Variants in TTBK2 observed in about 807,000 individuals in gnomAD.
TTBK2 encodes the protein tau tubulin kinase 2.
A neutral mutation model predicts 110.8 loss-of-function variants in TTBK2; 28 were observed. That is an observed-to-expected ratio of 0.25 (90% CI 0.19 to 0.35). The LOEUF is 0.35. TTBK2 is among the 10% of genes least tolerant of loss of function. The pLI is 1.00. For missense variants in TTBK2, 1,369 were observed against 1,500.3 expected, an observed-to-expected ratio of 0.91 and a Z score of 1.45; for synonymous variants, 532 against 527.3, an observed-to-expected ratio of 1.01 and a Z score of -0.12.
intron 13 of TTBK2, among the ~76,000 whole-genome samples, chr15:42,756,214 A>C (rs1046908898): frequency 1.3e-5 from 2 of 151,442 alleles, no homozygotes; most frequent in African/African-American, 2.4e-5. Flanking sequence ...GAAAAACAAA[A>C]ACAAAAAAAA....
At chr15:42,784,838 C>T (rs1006839148) in intron 10 of TTBK2, among the ~76,000 whole-genome samples, 2 of 152,142 alleles carry the variant, frequency 1.3e-5, no homozygotes, top group African/African-American at 4.8e-5. Context: ...CTGGCAGGCT[C>T]TGACTGGTGA....
intron 4 of TTBK2, among the ~76,000 whole-genome samples, chr15:42,831,581 C>T (rs1892762734): frequency 6.6e-6 from 1 of 152,134 alleles, no homozygotes; most frequent in Non-Finnish European, 1.5e-5. Context: ...GATAAGGAAA[C>T]TGAGGTTCAA....
chr15:42,856,517 A>C (rs1893948436), intron 3 of TTBK2, among the ~76,000 whole-genome samples: 1 of 152,180 alleles, frequency 6.6e-6, no homozygotes, highest in Non-Finnish European at 1.5e-5. Flanking sequence ...TTTTTGAGAC[A>C]ATGGGAGAAA....
intron 10 of TTBK2, among the ~76,000 whole-genome samples, chr15:42,791,240 G>A (rs545790018): frequency 2.0e-5 from 3 of 151,698 alleles, no homozygotes; most frequent in South Asian, 2.1e-4. Context: ...GGCTGGTCTC[G>A]AACTCCTGAC....
chr15:42,869,245 G>A (rs968627534), intron 3 of TTBK2, among the ~76,000 whole-genome samples: 4 of 151,764 alleles, frequency 2.6e-5, no homozygotes, highest in East Asian at 3.9e-4. Flanking sequence ...ACGCCACCAC[G>A]CTTGGCTAAA....
At chr15:42,881,265 A>G (rs1263194980) in intron 1 of TTBK2, among the ~76,000 whole-genome samples, 1 of 142,298 alleles carries the variant, frequency 7.0e-6, no homozygotes, top group Non-Finnish European at 1.5e-5. Context: ...CCTGGATGAC[A>G]GAGCAAGCTT....
At chr15:42,877,447 G>C (rs945354867) in intron 2 of TTBK2, among the ~76,000 whole-genome samples, 1 of 151,912 alleles carries the variant, frequency 6.6e-6, no homozygotes. Flanking sequence ...CCATGGGAAA[G>C]TCTACAGACA....
In TTBK2 at chr15:42,752,168, C is replaced by A; in HGVS notation, c.3078G>T (p.Leu1026=). 6.2e-7 allele frequency: 1 copy of A among 1,614,174 alleles called. No homozygotes were observed. The highest frequency in any genetic ancestry group is 1.1e-5 in the South Asian group (1 of 91,074). ...EEEVLTPFSR[L]TVDSHLSRSA... is the part of the protein sequence containing the mutation. ...ACCTACTCAGGTGAGAATCTACTGT[C>A]AGTCTTGAAAAGGGAGTGAGCACTT... Residue 1026 remains leucine, a synonymous_variant, in exon 14 of 15, where the codon CTG becomes CTT. Coordinates refer to ENST00000267890, the MANE Select transcript of TTBK2 (RefSeq NM_173500.4).
intron 10 of TTBK2, among the ~76,000 whole-genome samples, chr15:42,792,504 GATCT>G (rs1420038106): frequency 2.0e-5 from 3 of 151,898 alleles, no homozygotes; most frequent in African/African-American, 4.8e-5. Context: ...TTCATCATCT[GATCT>G]ATCAGGACAC....
chr15:42,855,335 T>C (rs954394888), intron 3 of TTBK2: 7 of 152,184 alleles, frequency 4.6e-5, no homozygotes, highest in African/African-American at 1.7e-4. Context: ...ACCCTAGTGG[T>C]CATACTGTGG....
intron 9 of TTBK2, chr15:42,802,544 C>T: frequency 4.5e-6 from 2 of 439,698 alleles, no homozygotes; most frequent in East Asian, 4.3e-5. Context: ...TTTAACTGCA[C>T]CCATCCTCTA....
At chr15:42,791,659 G>A (rs1240557530) in intron 10 of TTBK2, among the ~76,000 whole-genome samples, 2 of 152,006 alleles carry the variant, frequency 1.3e-5, no homozygotes, top group Non-Finnish European at 1.5e-5. Flanking sequence ...CTCCCAATAA[G>A]GTCTGAACCT....
intron 4 of TTBK2, among the ~76,000 whole-genome samples, chr15:42,838,405 T>C (rs1595969347): frequency 6.6e-6 from 1 of 150,930 alleles, no homozygotes; most frequent in African/African-American, 2.4e-5. Flanking sequence ...GGGTCAGAGG[T>C]AGTGTCAGAA....
intron 3 of TTBK2, among the ~76,000 whole-genome samples, chr15:42,857,783 G>A (rs1894002210): frequency 6.6e-6 from 1 of 151,578 alleles, no homozygotes; most frequent in African/African-American, 2.4e-5. Context: ...CTATGCTCTA[G>A]TAAGTACAAG....
At chr15:42,773,808 A>G (rs551243743) in intron 13 of TTBK2, among the ~76,000 whole-genome samples, 194 of 152,276 alleles carry the variant, frequency 1.3e-3, no homozygotes, top group African/African-American at 4.4e-3. Flanking sequence ...GAAAGGATGA[A>G]GCAGGGAGGG....
rs1381371121 is a variant in TTBK2 at position 42,767,302 on chromosome 15, TC to T, written c.1998+7832del. ...GGAGATAGAGACACAAAAAAACCCT[TC>T]AAAAAATCAATGAATCCAGGAGCTG... On this transcript the variant is annotated intron_variant, in intron 13 of 14. Coordinates refer to ENST00000267890, the MANE Select transcript of TTBK2 (RefSeq NM_173500.4). Among the ~76,000 whole-genome samples, 12 of 152,032 alleles carry T rather than the reference TC, an allele frequency of 7.9e-5. No homozygotes were observed. The South Asian group carries it at 2.3e-3, about 29-fold the overall frequency.
intron 9 of TTBK2, among the ~76,000 whole-genome samples, chr15:42,804,749 G>A (rs555378115): frequency 7.9e-5 from 12 of 152,240 alleles, no homozygotes; most frequent in African/African-American, 2.4e-4. Context: ...TAGAATAGAC[G>A]TCTTTTCCTC....
intron 3 of TTBK2, among the ~76,000 whole-genome samples, chr15:42,859,861 A>T (rs1017683158): frequency 6.6e-6 from 1 of 152,200 alleles, no homozygotes; most frequent in Non-Finnish European, 1.5e-5. Context: ...AGAGGTGGGT[A>T]ATGTAAGCAG....
chr15:42,837,185 C>T (rs1018876519), intron 4 of TTBK2, among the ~76,000 whole-genome samples: 1 of 151,678 alleles, frequency 6.6e-6, no homozygotes, highest in African/African-American at 2.4e-5. Context: ...CATGGTGAAA[C>T]CGTCCCTACT....
Sources: gnomAD v4.1 joint callset for allele counts (sites outside exome capture counted in the v4.1 genomes callset) on GRCh38, gnomAD v4.1.1 for gene constraint, MANE v1.5 for transcripts, NCBI Gene and HGNC (gene_info 2026-07-23, HGNC 2026-07-21) for gene names.